The following MON1A variants were observed in gnomAD, a reference collection of about 807,000 sequenced individuals.
The protein encoded by MON1A is vacuolar fusion protein MON1 homolog A.
In MON1A, 29 loss-of-function variants were observed where a neutral mutation model predicts 44.6. The observed-to-expected ratio is 0.65, with a 90% CI of 0.48 to 0.89. The LOEUF is 0.89. Ranked by LOEUF, MON1A falls within the 40% of genes least tolerant of loss-of-function variation. The probability of loss-of-function intolerance (pLI) is 0.00; values close to 1 mark genes in which losing one functional copy is unlikely to be tolerated. For missense variants in MON1A, 615 were observed against 759.6 expected (o/e 0.81, Z 2.24); for synonymous variants, 275 against 316.4 (o/e 0.87, Z 1.39).
At chr3:49,917,550 A>C (rs2082956053) in intron 1 of MON1A, among the ~76,000 whole-genome samples, 1 of 150,906 alleles carries the variant, frequency 6.6e-6, no homozygotes, top group South Asian at 2.1e-4. Flanking sequence ...AGCCTCCCAA[A>C]GTGCTGGGAT....
intron 1 of MON1A, among the ~76,000 whole-genome samples, chr3:49,922,324 T>C (rs1370619625): frequency 1.3e-5 from 2 of 151,378 alleles, no homozygotes; most frequent in African/African-American, 2.4e-5. Flanking sequence ...CATATGCCTG[T>C]AATCCCAGCT....
intron 1 of MON1A, among the ~76,000 whole-genome samples, chr3:49,926,603 C>T (rs376492774): frequency 2.5e-4 from 38 of 152,006 alleles, no homozygotes; most frequent in Admixed American, 4.6e-4. Flanking sequence ...ACTACAGGCA[C>T]GTGCCACCAC....
At chr3:49,920,413 A>G (rs2082985897) in intron 1 of MON1A, among the ~76,000 whole-genome samples, 1 of 151,558 alleles carries the variant, frequency 6.6e-6, no homozygotes, top group Admixed American at 6.6e-5. Context: ...ATAGTTTTAA[A>G]TTCCCTCTAC....
chr3:49,911,252 T>A lies in MON1A; in HGVS notation c.613+274A>T, dbSNP rs2082883014. On this transcript the variant is annotated intron_variant, in intron 3 of 5. Coordinates refer to ENST00000296473, the MANE Select transcript of MON1A (RefSeq NM_032355.4). This position sits in a 1 kb window ranked among gnomAD's most constrained non-coding sequence, Gnocchi z 5.7. ...TAGATAGATAGATAGATAGAGTTTG[T>A]TGTTGTTGTTGTTGTTGCCTCCCCA... Among the ~76,000 whole-genome samples the A allele has an allele frequency of 1.7e-5, 1 of 59,428 alleles. No homozygotes were observed. The highest frequency in any genetic ancestry group is 4.1e-5 in the Non-Finnish European group (1 of 24,376). 39.0% of individuals were successfully genotyped at this position (59,428 alleles called of 152,430 possible). A position where few individuals can be genotyped will look rare whatever the true frequency, so the allele number is the denominator to read the frequency against.
rs1469697929 is a variant in MON1A at position 49,910,943 on chromosome 3, G to A, written c.614-59C>T. The A allele has an allele frequency of 1.1e-5, 16 of 1,490,034 alleles. No individual in the cohort carries two copies. The highest frequency in any genetic ancestry group is 2.3e-5 in the East Asian group (1 of 43,832). 92.3% of individuals were successfully genotyped at this position (1,490,034 alleles called of 1,614,324 possible). A position where few individuals can be genotyped will look rare whatever the true frequency, so the allele number is the denominator to read the frequency against. On this transcript the variant is annotated intron_variant, in intron 3 of 5. Transcript: ENST00000296473. This position sits in a 1 kb window ranked among gnomAD's most constrained non-coding sequence, Gnocchi z 8.0. ...TCAGCGGCAGCTCCCTCCGAAAACCGCCTTCCAGCGCAGCTCTTCGCTTTC... is the reference window on the plus strand; with the variant it reads ...TCAGCGGCAGCTCCCTCCGAAAACCACCTTCCAGCGCAGCTCTTCGCTTTC...
In MON1A at chr3:49,910,824, G is replaced by A; in HGVS notation, c.674C>T (p.Thr225Met). The change falls in exon 4 of 6, where the codon ACG becomes ATG. Residue 225 changes from threonine to methionine, a missense_variant. Coordinates refer to ENST00000296473, the MANE Select transcript of MON1A (RefSeq NM_032355.4). This position sits in a 1 kb window ranked among gnomAD's most constrained non-coding sequence, Gnocchi z 8.0. The stretch of plus-strand genomic sequence containing the variant: ...CGCCAGCTCTTGTGCCGACTGCCGC[G>A]TACGAGCCACCGCCACTAGCACCAG... ...SPLVLVAVAR[T>M]RQSAQELAQE... The A allele has an allele frequency of 6.2e-7, 1 of 1,610,636 alleles. No homozygotes were observed. Among genetic ancestry groups the A allele is most frequent in the Non-Finnish European group, 8.5e-7 (1 of 1,178,088 alleles).
Position 49,909,449 on chromosome 3 carries a change from G to A in MON1A, c.1380-49C>T. The A allele has an allele frequency of 6.2e-7, 1 of 1,607,166 alleles. No individual in the cohort carries two copies. Among genetic ancestry groups the A allele is most frequent in the Non-Finnish European group, 8.5e-7 (1 of 1,176,230 alleles). On this transcript the variant is annotated intron_variant, in intron 4 of 5. Transcript: ENST00000296473. The surrounding 1 kb of genome is among the most constrained non-coding windows in gnomAD (Gnocchi z 4.0). ...GGTTTGCAAAGGAATGACTTCCACT[G>A]TCTTCTCTAGAGATTTAGAAACACC...
In MON1A at chr3:49,910,005, C is replaced by T; in HGVS notation, c.1379+114G>A. ...AAAACAGGCCCAGCACACTGGTCTG[C>T]TTCCAAAGGTAGGGACAGCTTCAGG... is the stretch of plus-strand genomic sequence containing the variant. On this transcript the variant is annotated intron_variant, in intron 4 of 5. Coordinates refer to ENST00000296473, the MANE Select transcript of MON1A (RefSeq NM_032355.4). This position sits in a 1 kb window ranked among gnomAD's most constrained non-coding sequence, Gnocchi z 8.0. The T allele has an allele frequency of 8.1e-7, 1 of 1,241,252 alleles. No individual in the cohort carries two copies. The highest frequency in any genetic ancestry group is 1.1e-6 in the Non-Finnish European group (1 of 887,582). The allele number at this position is 1,241,252 out of a possible 1,614,324, so 76.9% of individuals were successfully genotyped here.
rs1239726313 is a variant in MON1A at position 49,909,598 on chromosome 3, A to G, written c.1380-198T>C. Reference sequence around the variant, plus strand: ...GGCTGGGCCCACTGAGACTAGAGCTATGTCCCCTCTTACCCCCTAAGCTCA... The same window carrying G: ...GGCTGGGCCCACTGAGACTAGAGCTGTGTCCCCTCTTACCCCCTAAGCTCA... On this transcript the variant is annotated intron_variant, in intron 4 of 5. Transcript: ENST00000296473. This position sits in a 1 kb window ranked among gnomAD's most constrained non-coding sequence, Gnocchi z 4.0. 7.6e-6 allele frequency: 5 copies of G among 658,382 alleles called. No homozygotes were observed. The highest frequency in any genetic ancestry group is 3.0e-5 in the Admixed American group (1 of 33,448). The allele number at this position is 658,382 out of a possible 1,614,324, so 40.8% of individuals were successfully genotyped here.
chr3:49,913,397 C>A, intron 1 of MON1A, 38 bp from the exon 2 acceptor site: 1 of 1,581,812 alleles, frequency 6.3e-7, no homozygotes. Context: ...TGGCTTTTGG[C>A]AGGGTCACAG....
At position 49,911,221 on chromosome 3, in the gene MON1A, G is replaced by GATAGATAGATAGATAGATGATAGATAC. The variant is rs1553630688; in HGVS notation, c.613+304_613+305insGTATCTATCATCTATCTATCTATCTAT. Among the ~76,000 whole-genome samples, 754 of 151,176 alleles carry GATAGATAGATAGATAGATGATAGATAC rather than the reference G, an allele frequency of 5.0e-3. 9 individuals carry two copies. The highest frequency in any genetic ancestry group is 0.015 in the African/African-American group (629 of 40,964). ...AGATAGATAGATAGATAGATAGATA[G>GATAGATAGATAGATAGATGATAGATAC]ATAGATAGATAGATAGATAGATAGA... On this transcript the variant is annotated intron_variant, in intron 3 of 5. Transcript: ENST00000296473. The surrounding 1 kb of genome is among the most constrained non-coding windows in gnomAD (Gnocchi z 5.7).
intron 1 of MON1A, among the ~76,000 whole-genome samples, chr3:49,923,241 C>A (rs2083018112): frequency 6.9e-6 from 1 of 144,908 alleles, no homozygotes; most frequent in Admixed American, 6.9e-5. Context: ...CCCCGGGAGG[C>A]TGAGGCAGGA....
In MON1A at chr3:49,911,225, G is replaced by GATGATAGATAC. The variant is rs2082879168; in HGVS notation, c.613+300_613+301insGTATCTATCAT. Among the ~76,000 whole-genome samples, 2 of 151,360 alleles carry GATGATAGATAC rather than the reference G, an allele frequency of 1.3e-5. No homozygotes were observed. Among genetic ancestry groups the GATGATAGATAC allele is most frequent in the Admixed American group, 6.6e-5 (1 of 15,210 alleles). ...AGATAGATAGATAGATAGATAGATAGATAGATAGATAGATAGATAGAGTTT... is the reference window on the plus strand; with the variant it reads ...AGATAGATAGATAGATAGATAGATAGATGATAGATACATAGATAGATAGATAGATAGAGTTT... On this transcript the variant is annotated intron_variant, in intron 3 of 5. Transcript: ENST00000296473. The surrounding 1 kb of genome is among the most constrained non-coding windows in gnomAD (Gnocchi z 5.7).
At position 49,911,288 on chromosome 3, in the gene MON1A, C is replaced by T. The variant is rs1575470784; in HGVS notation, c.613+238G>A. 7.5e-6 allele frequency among the ~76,000 whole-genome samples: 1 copy of T among 133,686 alleles called. No homozygotes were observed. Among genetic ancestry groups the T allele is most frequent in the East Asian group, 2.0e-4 (1 of 4,918 alleles). 87.7% of individuals were successfully genotyped at this position (133,686 alleles called of 152,430 possible). On this transcript the variant is annotated intron_variant, in intron 3 of 5. Transcript: ENST00000296473. This position sits in a 1 kb window ranked among gnomAD's most constrained non-coding sequence, Gnocchi z 5.7. ...GTTGTTGCCTCCCCAGGGGGATTCT[C>T]ACTCTCTCCAAAGGCAAAGCCCATG...
At chr3:49,918,446 C>T (rs1405644696) in intron 1 of MON1A, among the ~76,000 whole-genome samples, 2 of 151,488 alleles carry the variant, frequency 1.3e-5, no homozygotes, top group African/African-American at 4.8e-5. Context: ...GAGTCTCACT[C>T]TGTGGCCCAG....
intron 1 of MON1A, among the ~76,000 whole-genome samples, chr3:49,923,683 C>T (rs912240676): frequency 2.9e-4 from 44 of 151,144 alleles, no homozygotes; most frequent in Non-Finnish European, 4.4e-4. Context: ...AAACCCCTGA[C>T]CTTGTGATCT....
intron 1 of MON1A, chr3:49,929,345 G>C: frequency 1.8e-6 from 1 of 549,446 alleles, no homozygotes; most frequent in South Asian, 2.2e-5. Context: ...CGGGGCGGGG[G>C]TGGGGGAGTG....
chr3:49,920,878 C>G lies in MON1A; in HGVS notation c.-13-7519G>C, dbSNP rs963654616. 2.0e-5 allele frequency among the ~76,000 whole-genome samples: 3 copies of G among 151,002 alleles called. No individual in the cohort carries two copies. The Admixed American group carries it at 2.0e-4, about 10-fold the overall frequency. On this transcript the variant is annotated intron_variant, in intron 1 of 5. Transcript: ENST00000296473. ...CATCTCCTTAAAAAGTTGCTCCTAG[C>G]TGGGTATGGTGGCTTACACCTGTAA...
intron 1 of MON1A, chr3:49,924,589 G>A: frequency 4.3e-6 from 1 of 230,708 alleles, no homozygotes; most frequent in Non-Finnish European, 9.4e-6. Flanking sequence ...TAAGGTATGA[G>A]AATCACTTGA....
Sources: gnomAD v4.1 joint callset for allele counts (sites outside exome capture counted in the v4.1 genomes callset) on GRCh38, gnomAD v4.1.1 for gene constraint, Gnocchi (gnomAD v3.1) non-coding constraint, MANE v1.5 for transcripts, NCBI Gene and HGNC (gene_info 2026-07-23, HGNC 2026-07-21) for gene names.